The following PRMT8 variants were observed in gnomAD, a reference collection of about 807,000 sequenced individuals.
PRMT8 encodes the protein protein arginine N-methyltransferase 8.
In PRMT8, 7 loss-of-function variants were observed where a neutral mutation model predicts 47.1. That is an observed-to-expected ratio of 0.15 (90% confidence interval 0.08 to 0.28). PRMT8 has a LOEUF of 0.28. Among genes scored for constraint, PRMT8 ranks in the 10% least tolerant of loss-of-function variants. PRMT8 has a pLI of 1.00. For missense variants in PRMT8, 237 were observed against 505.4 expected (o/e 0.47, Z 5.09); for synonymous variants, 188 against 186.5 (o/e 1.01, Z -0.07).
At chr12:3,558,878 T>TACA (rs1866574187) in intron 4 of PRMT8, among the ~76,000 whole-genome samples, 1 of 152,184 alleles carries the variant, frequency 6.6e-6, no homozygotes, top group African/African-American at 2.4e-5. Flanking sequence ...TTGTAATTAG[T>TACA]AAGATTTTCT....
intron 1 of PRMT8, among the ~76,000 whole-genome samples, chr12:3,466,963 C>T (rs560944424): frequency 2.6e-5 from 4 of 152,204 alleles, no homozygotes; most frequent in Non-Finnish European, 4.4e-5. Flanking sequence ...GATGACTGGG[C>T]GCGGTAGCTC....
intron 1 of PRMT8, among the ~76,000 whole-genome samples, chr12:3,415,461 C>T (rs965443395): frequency 2.0e-5 from 3 of 152,222 alleles, no homozygotes; most frequent in African/African-American, 7.2e-5. Flanking sequence ...CTAATCCTGT[C>T]TTGGTTTGAG....
At position 3,570,853 on chromosome 12, in the gene PRMT8, T is replaced by A. The variant is rs1176390652; in HGVS notation, c.712+1289T>A. On this transcript the variant is annotated intron_variant, in intron 6 of 9. Coordinates refer to ENST00000382622, the MANE Select transcript of PRMT8 (RefSeq NM_019854.5). This position sits in a 1 kb window ranked among gnomAD's most constrained non-coding sequence, Gnocchi z 5.5. Reference sequence around the variant, plus strand: ...TCTGCCTCCAGCCAATCTGGTGTGATTTCCACTATTTGACCTCCTGGGGGA... The same window carrying A: ...TCTGCCTCCAGCCAATCTGGTGTGAATTCCACTATTTGACCTCCTGGGGGA... Among the ~76,000 whole-genome samples, 1 of 152,144 alleles carries A rather than the reference T, an allele frequency of 6.6e-6. No homozygotes were observed. The highest frequency in any genetic ancestry group is 6.5e-5 in the Admixed American group (1 of 15,280).
At chr12:3,437,836 T>C (rs1591549959) in intron 1 of PRMT8, among the ~76,000 whole-genome samples, 1 of 151,988 alleles carries the variant, frequency 6.6e-6, no homozygotes, top group Admixed American at 6.5e-5. Flanking sequence ...CGGTGTCACA[T>C]GCGGTGATGG....
chr12:3,450,607 T>C (rs1047167987), intron 1 of PRMT8, among the ~76,000 whole-genome samples: 4 of 152,228 alleles, frequency 2.6e-5, no homozygotes, highest in Non-Finnish European at 5.9e-5. Context: ...TATATAACCA[T>C]AGATCATAAA....
At chr12:3,586,859 G>C (rs910339928) in intron 8 of PRMT8, among the ~76,000 whole-genome samples, 6 of 152,216 alleles carry the variant, frequency 3.9e-5, no homozygotes. Flanking sequence ...TCTGGCTGAC[G>C]TAGATCCCTC....
chr12:3,524,505 C>T (rs1217883982), intron 1 of PRMT8, among the ~76,000 whole-genome samples: 1 of 152,004 alleles, frequency 6.6e-6, no homozygotes, highest in Non-Finnish European at 1.5e-5. Flanking sequence ...AGTTTACTAG[C>T]CTACAGAATA....
intron 1 of PRMT8, among the ~76,000 whole-genome samples, chr12:3,434,246 C>T (rs1864713807): frequency 6.6e-6 from 1 of 152,130 alleles, no homozygotes; most frequent in Non-Finnish European, 1.5e-5. Flanking sequence ...AAGGCTGAAG[C>T]TGAGGTGCTC....
intron 4 of PRMT8, among the ~76,000 whole-genome samples, chr12:3,558,005 C>T (rs1265154409): frequency 6.6e-6 from 1 of 152,156 alleles, no homozygotes; most frequent in Non-Finnish European, 1.5e-5. Flanking sequence ...TCAGTGCCAG[C>T]CCACCCCCAG....
intron 1 of PRMT8, among the ~76,000 whole-genome samples, chr12:3,417,903 A>G (rs1864500110): frequency 1.3e-5 from 2 of 152,222 alleles, no homozygotes. Flanking sequence ...GCCTGGTTTC[A>G]TATCCCGGCT....
chr12:3,533,523 T>C (rs1047792063), intron 1 of PRMT8, among the ~76,000 whole-genome samples: 14 of 152,268 alleles, frequency 9.2e-5, no homozygotes, highest in Admixed American at 9.2e-4. Flanking sequence ...CTTCTTCTTC[T>C]AATGTGGCCC....
intron 1 of PRMT8, among the ~76,000 whole-genome samples, chr12:3,460,893 G>A (rs1223569205): frequency 6.6e-6 from 1 of 152,188 alleles, no homozygotes; most frequent in Non-Finnish European, 1.5e-5. Flanking sequence ...GTCTTGAAGA[G>A]ATTTTGAGCA....
At chr12:3,533,716 T>C (rs1866071828) in intron 1 of PRMT8, among the ~76,000 whole-genome samples, 1 of 152,192 alleles carries the variant, frequency 6.6e-6, no homozygotes, top group Non-Finnish European at 1.5e-5. Context: ...AGAGAGAGGG[T>C]GCATGTAGGG....
chr12:3,417,168 G>T (rs1864491983), intron 1 of PRMT8, among the ~76,000 whole-genome samples: 1 of 152,228 alleles, frequency 6.6e-6, no homozygotes, highest in South Asian at 2.1e-4. Flanking sequence ...AATGAGAAAT[G>T]TGGAGTTCGT....
In PRMT8 at chr12:3,383,162, A is replaced by G. The variant is rs1029366793; in HGVS notation, c.48+1720A>G. 3.1e-4 allele frequency among the ~76,000 whole-genome samples: 47 copies of G among 152,084 alleles called. 2 individuals are homozygous for G. The highest frequency in any genetic ancestry group is 9.2e-4 in the Admixed American group (14 of 15,276). ...AAAATTGAGTAGACTAATTCCTCCC[A>G]CTTTATTCTTCTATTTCAAAATTGT... On this transcript the variant is annotated intron_variant, in intron 1 of 9. Transcript: ENST00000452611.
intron 1 of PRMT8, among the ~76,000 whole-genome samples, chr12:3,523,235 C>T (rs541672271): frequency 5.9e-5 from 9 of 152,288 alleles, no homozygotes; most frequent in African/African-American, 2.2e-4. Context: ...CTGGGTGAGT[C>T]ACTCTTCCAA....
intron 1 of PRMT8, among the ~76,000 whole-genome samples, chr12:3,407,387 C>T (rs1864383571): frequency 6.6e-6 from 1 of 151,834 alleles, no homozygotes; most frequent in African/African-American, 2.4e-5. Flanking sequence ...TCTTTTAGCA[C>T]TGTGAATATA....
In PRMT8 at chr12:3,514,792, C is replaced by T. The variant is rs141827811; in HGVS notation, c.75+23092C>T. Among the ~76,000 whole-genome samples the T allele has an allele frequency of 2.1e-3, 315 of 152,240 alleles. 2 individuals are homozygous for T. Among genetic ancestry groups the T allele is most frequent in the African/African-American group, 7.5e-3 (311 of 41,540 alleles). On this transcript the variant is annotated intron_variant, in intron 1 of 9. Transcript: ENST00000382622. The surrounding 1 kb of genome is among the most constrained non-coding windows in gnomAD (Gnocchi z 5.9). ...GGTCACTGTCGACCTGCTCTTTCCC[C>T]GACCTGAAACTTTCGTGTAGCAGAC...
intron 1 of PRMT8, among the ~76,000 whole-genome samples, chr12:3,516,790 C>G (rs1028377810): frequency 1.3e-5 from 2 of 152,096 alleles, no homozygotes; most frequent in African/African-American, 2.4e-5. Context: ...GTTGGCCTCC[C>G]CCTCCCCACC....
Sources: allele counts gnomAD v4.1 joint callset (sites outside exome capture counted in the v4.1 genomes callset), GRCh38; gene constraint gnomAD v4.1.1; non-coding constraint Gnocchi (gnomAD v3.1); transcripts MANE v1.5; gene names NCBI Gene and HGNC (gene_info 2026-07-23, HGNC 2026-07-21).